SEZ6L: variants seen among roughly 807,000 people sequenced by gnomAD.
SEZ6L encodes the protein seizure related 6 homolog like.
A neutral mutation model predicts 106.2 loss-of-function variants in SEZ6L; 37 were observed. The observed-to-expected ratio is 0.35, with a 90% CI of 0.27 to 0.46. The LOEUF is 0.46. Ranked by LOEUF, SEZ6L falls within the 20% of genes least tolerant of loss-of-function variation. The pLI is 1.00. For missense variants in SEZ6L, 1,172 were observed against 1,332.8 expected (o/e 0.88, Z 1.88); for synonymous variants, 541 against 570.4 (o/e 0.95, Z 0.73).
rs368802724 is a variant in SEZ6L, at chr22:26,208,140, C to T, written c.94+38377C>T. Among the ~76,000 whole-genome samples the T allele has an allele frequency of 2.0e-5, 3 of 152,016 alleles. No homozygotes were observed. The East Asian group carries it at 5.8e-4, about 29-fold the overall frequency. On this transcript the variant is annotated intron_variant, in intron 1 of 16. Transcript: ENST00000248933. ...CCGTGTTAGCCAGGATGGTCTCGATCTCCTGACCTCGTGATCCGCCCGTCT... is the reference window on the plus strand; with the variant it reads ...CCGTGTTAGCCAGGATGGTCTCGATTTCCTGACCTCGTGATCCGCCCGTCT...
At chr22:26,369,553 G>A (rs2083950225) in intron 13 of SEZ6L, among the ~76,000 whole-genome samples, 1 of 151,452 alleles carries the variant, frequency 6.6e-6, no homozygotes, top group Non-Finnish European at 1.5e-5. Context: ...TGTTAGCCAG[G>A]ATGGTCTCGA....
chr22:26,229,478 G>A (rs1202356099), intron 1 of SEZ6L, among the ~76,000 whole-genome samples: 1 of 152,170 alleles, frequency 6.6e-6, no homozygotes, highest in African/African-American at 2.4e-5. Context: ...CTCAGGCTGC[G>A]TATTAGAAGA....
At chr22:26,255,815 C>T (rs1478171466) in intron 1 of SEZ6L, among the ~76,000 whole-genome samples, 1 of 152,176 alleles carries the variant, frequency 6.6e-6, no homozygotes, top group East Asian at 1.9e-4. Context: ...ACTGGGAATC[C>T]AATAAAAGTG....
At chr22:26,178,067 G>A (rs745938688) in intron 1 of SEZ6L, among the ~76,000 whole-genome samples, 3 of 152,262 alleles carry the variant, frequency 2.0e-5, no homozygotes, top group Middle Eastern at 3.4e-3. Context: ...CCCAAGGAGT[G>A]TGGCAATGGA....
chr22:26,229,930 A>G (rs903709013), intron 1 of SEZ6L, among the ~76,000 whole-genome samples: 3 of 152,218 alleles, frequency 2.0e-5, no homozygotes, highest in Non-Finnish European at 4.4e-5. Flanking sequence ...GGAAGGCCCA[A>G]ATTCTCTTGC....
intron 1 of SEZ6L, among the ~76,000 whole-genome samples, chr22:26,228,219 A>G (rs1056411349): frequency 2.6e-5 from 4 of 152,232 alleles, no homozygotes; most frequent in Non-Finnish European, 4.4e-5. Context: ...AAGAAAAACA[A>G]ACGAGCTAGA....
At chr22:26,173,230 T>C (rs1269786924) in intron 1 of SEZ6L, among the ~76,000 whole-genome samples, 1 of 152,236 alleles carries the variant, frequency 6.6e-6, no homozygotes, top group Non-Finnish European at 1.5e-5. Flanking sequence ...TTTCTTTCCC[T>C]GCTTTCCAAA....
chr22:26,356,207 A>G (rs2083430731), intron 12 of SEZ6L, among the ~76,000 whole-genome samples: 1 of 152,242 alleles, frequency 6.6e-6, no homozygotes, highest in Non-Finnish European at 1.5e-5. Flanking sequence ...TACCATTTCC[A>G]TTTATTAAAT....
chr22:26,320,824 A>T (rs2082133531), intron 9 of SEZ6L, among the ~76,000 whole-genome samples: 1 of 152,164 alleles, frequency 6.6e-6, no homozygotes, highest in Non-Finnish European at 1.5e-5. Context: ...AGGCATTTCT[A>T]GTTGGGACAA....
At chr22:26,356,444 C>G (rs762981172) in intron 12 of SEZ6L, among the ~76,000 whole-genome samples, 9 of 151,638 alleles carry the variant, frequency 5.9e-5, no homozygotes, top group Admixed American at 1.3e-4. Context: ...GGGTTCGAGA[C>G]CAGCCTGGCC....
intron 1 of SEZ6L, among the ~76,000 whole-genome samples, chr22:26,251,311 TCTC>T (rs1180806183): frequency 6.7e-6 from 1 of 149,372 alleles, no homozygotes; most frequent in African/African-American, 2.5e-5. Flanking sequence ...GTTGAGGTAT[TCTC>T]CTTTTATTCC....
At chr22:26,221,995 A>G (rs1468661323) in intron 1 of SEZ6L, among the ~76,000 whole-genome samples, 2 of 152,298 alleles carry the variant, frequency 1.3e-5, no homozygotes, top group Non-Finnish European at 2.9e-5. Context: ...GGAGCTCCTA[A>G]TACTATTTCC....
At chr22:26,218,172 T>C (rs1194128760) in intron 1 of SEZ6L, among the ~76,000 whole-genome samples, 3 of 152,256 alleles carry the variant, frequency 2.0e-5, no homozygotes, top group East Asian at 3.8e-4. Flanking sequence ...GAGCACTTTA[T>C]AAATACCCAT....
At chr22:26,280,417 C>T (rs1312833623) in intron 1 of SEZ6L, among the ~76,000 whole-genome samples, 1 of 152,108 alleles carries the variant, frequency 6.6e-6, no homozygotes, top group African/African-American at 2.4e-5. Context: ...TTCAAAGTTC[C>T]TTTATGCACA....
At chr22:26,322,358 T>C (rs555429071) in intron 9 of SEZ6L, among the ~76,000 whole-genome samples, 1 of 152,154 alleles carries the variant, frequency 6.6e-6, no homozygotes, top group Admixed American at 6.5e-5. Flanking sequence ...GGGCACCAGC[T>C]GTGTGTCTCG....
chr22:26,349,802 C>A (rs2083211355), intron 11 of SEZ6L, among the ~76,000 whole-genome samples: 1 of 152,226 alleles, frequency 6.6e-6, no homozygotes, highest in Non-Finnish European at 1.5e-5. Flanking sequence ...TTCTTACAAA[C>A]TTCCTGCATC....
At chr22:26,283,407 T>G (rs1388875645) in intron 1 of SEZ6L, among the ~76,000 whole-genome samples, 4 of 152,180 alleles carry the variant, frequency 2.6e-5, no homozygotes, top group African/African-American at 9.7e-5. Context: ...AAGAGTAAAG[T>G]GACTATGTGT....
chr22:26,211,855 A>T (rs1032386623), intron 1 of SEZ6L, among the ~76,000 whole-genome samples: 51 of 150,760 alleles, frequency 3.4e-4, no homozygotes, highest in Non-Finnish European at 5.6e-4. Context: ...AATAAAAATT[A>T]AAAAAATTAA....
At chr22:26,321,344 C>T (rs1482963829) in intron 9 of SEZ6L, among the ~76,000 whole-genome samples, 1 of 152,238 alleles carries the variant, frequency 6.6e-6, no homozygotes, top group Non-Finnish European at 1.5e-5. Flanking sequence ...TTCAAGGGTG[C>T]GTCCATGAAG....
Sources: gnomAD v4.1 joint callset for allele counts (sites outside exome capture counted in the v4.1 genomes callset) on GRCh38, gnomAD v4.1.1 for gene constraint, MANE v1.5 for transcripts, NCBI Gene and HGNC (gene_info 2026-07-23, HGNC 2026-07-21) for gene names.